Variants in POLR1D observed in about 807,000 individuals in gnomAD.
The protein encoded by POLR1D is DNA-directed RNA polymerases I and III subunit RPAC2.
Under a neutral mutation model 10.8 loss-of-function variants are expected in POLR1D, and 8 were observed. The ratio of observed to expected loss-of-function variants is 0.74; its 90% CI spans 0.43 to 1.33. The LOEUF (loss-of-function observed/expected upper bound fraction) is 1.33. POLR1D is among the 40% of genes most tolerant of loss of function. POLR1D has a pLI of 0.01. For missense variants in POLR1D, 152 were observed against 161.7 expected (o/e 0.94, Z 0.32); for synonymous variants, 54 against 57.2 (o/e 0.94, Z 0.25).
At chr13:27,636,675 C>T (rs1956127138) in intron 1 of POLR1D, among the ~76,000 whole-genome samples, 8 of 152,110 alleles carry the variant, frequency 5.3e-5, no homozygotes, top group Admixed American at 4.6e-4. Flanking sequence ...TCTTGGTAAG[C>T]GTAAGAGTGT....
intron 1 of POLR1D, among the ~76,000 whole-genome samples, chr13:27,647,270 C>A (rs1956229112): frequency 6.6e-6 from 1 of 152,078 alleles, no homozygotes; most frequent in Non-Finnish European, 1.5e-5. Flanking sequence ...TCAAAAATTA[C>A]ACAAATAATA....
At chr13:27,632,690 T>C (rs1467757169) in intron 1 of POLR1D, among the ~76,000 whole-genome samples, 1 of 145,540 alleles carries the variant, frequency 6.9e-6, no homozygotes, top group East Asian at 2.1e-4. Flanking sequence ...ATAGCACTTA[T>C]CTTCTAACAT....
intron 2 of POLR1D, chr13:27,648,504 G>A (rs1387602041): frequency 1.8e-6 from 2 of 1,140,430 alleles, no homozygotes; most frequent in African/African-American, 1.5e-5. Context: ...ATTCTTAGCT[G>A]GAGATATAAA....
intron 2 of POLR1D, chr13:27,651,035 A>G (rs1178067347): frequency 3.3e-5 from 5 of 152,234 alleles, no homozygotes; most frequent in Non-Finnish European, 7.3e-5. Flanking sequence ...TATTATCATC[A>G]TTTGAGTTTC....
At chr13:27,629,847 G>A (rs958648931) in intron 1 of POLR1D, among the ~76,000 whole-genome samples, 1 of 152,168 alleles carries the variant, frequency 6.6e-6, no homozygotes, top group Non-Finnish European at 1.5e-5. Context: ...ACTATTGGTA[G>A]GTAGCCAGGG....
intron 1 of POLR1D, among the ~76,000 whole-genome samples, chr13:27,639,652 G>T (rs1286009672): frequency 6.6e-6 from 1 of 152,192 alleles, no homozygotes; most frequent in African/African-American, 2.4e-5. Context: ...CTTATGAACT[G>T]AGAAATAAGT....
exon 3 of POLR1D, chr13:27,665,940 C>A (rs747337734): frequency 1.5e-5 from 24 of 1,614,016 alleles, no homozygotes; most frequent in Admixed American, 1.0e-4. Flanking sequence ...GAAAAGCGGT[C>A]CAACCGGCGG....
chr13:27,656,959 A>G (rs1479663754), intron 2 of POLR1D, among the ~76,000 whole-genome samples: 3 of 152,206 alleles, frequency 2.0e-5, no homozygotes, highest in East Asian at 3.8e-4. Context: ...GAAAATATCT[A>G]CTATGTATGT....
chr13:27,636,065 TCTG>T (rs1956122311), intron 1 of POLR1D, among the ~76,000 whole-genome samples: 1 of 152,238 alleles, frequency 6.6e-6, no homozygotes, highest in Non-Finnish European at 1.5e-5. Flanking sequence ...GGTAAGAAAT[TCTG>T]CTCTGAAGCT....
downstream of POLR1D, among the ~76,000 whole-genome samples, chr13:27,624,167 G>A (rs76673647): frequency 3.3e-3 from 507 of 152,220 alleles, 2 homozygotes; most frequent in African/African-American, 0.012. Flanking sequence ...TACTCCTGCC[G>A]TACTCTTAAG....
rs546954080 is a variant in POLR1D, at chr13:27,637,465, C to T, written c.27-10914C>T. ...AAAACCTTATTTGCACAGTTGTGCA[C>T]TTTTGGCTGACTTGTTCAGTGGACC... is the stretch of plus-strand genomic sequence containing the variant. On this transcript the variant is annotated intron_variant, in intron 1 of 2. Coordinates refer to the POLR1D transcript ENST00000399697. Among the ~76,000 whole-genome samples the T allele has an allele frequency of 2.8e-4, 42 of 152,312 alleles. No individual in the cohort carries two copies. In the South Asian group the frequency reaches 6.0e-3, roughly 22 times the overall value.
chr13:27,660,692 GTTTC>G (rs558135024), intron 2 of POLR1D: 88 of 152,446 alleles, frequency 5.8e-4, no homozygotes, highest in African/African-American at 2.0e-3. Flanking sequence ...TTCACCTGCG[GTTTC>G]TTTCTTGACT....
chr13:27,627,401 A>T (rs1227111130), downstream of POLR1D, among the ~76,000 whole-genome samples: 2 of 152,128 alleles, frequency 1.3e-5, no homozygotes, highest in African/African-American at 2.4e-5. Context: ...TGGTGGAAAT[A>T]AGAGACTATG....
chr13:27,621,910 C>T lies in POLR1D; in HGVS notation c.-74C>T, dbSNP rs574695978. The T allele has an allele frequency of 4.9e-5, 73 of 1,500,366 alleles. No homozygotes were observed. The East Asian group carries it at 6.7e-4, about 14-fold the overall frequency. The allele number at this position is 1,500,366 out of a possible 1,614,324, so 92.9% of individuals were successfully genotyped here. A position where few individuals can be genotyped will look rare whatever the true frequency, so the allele number is the denominator to read the frequency against. On this transcript the variant is annotated 5_prime_UTR_variant, in exon 1 of 2. Coordinates refer to ENST00000302979, the MANE Select transcript of POLR1D (RefSeq NM_015972.4). ...GGTCGGTCCTTGCTTCCTGCTTCGC[C>T]TCCGCGCCTCGCGCTATGGGACAGA...
chr13:27,647,184 A>G (rs1440498258), intron 1 of POLR1D, among the ~76,000 whole-genome samples: 1 of 152,152 alleles, frequency 6.6e-6, no homozygotes, highest in Non-Finnish European at 1.5e-5. Context: ...TACCCATAGC[A>G]CCTTGCACAG....
chr13:27,626,358 A>G (rs1213255636), downstream of POLR1D, among the ~76,000 whole-genome samples: 2 of 152,342 alleles, frequency 1.3e-5, no homozygotes, highest in Middle Eastern at 3.4e-3. Context: ...ATTGCACCTA[A>G]AAGAATTTAG....
At chr13:27,621,835 C>G (rs2232676), upstream of POLR1D, 6 of 789,096 alleles carry the variant, frequency 7.6e-6, no homozygotes, top group East Asian at 1.4e-4. Flanking sequence ...TGGGCCCTGC[C>G]GCGCCGCTGC....
chr13:27,646,320 A>G (rs1956220149), intron 1 of POLR1D: 1 of 152,230 alleles, frequency 6.6e-6, no homozygotes, highest in Non-Finnish European at 1.5e-5. Flanking sequence ...ACTTAAATCT[A>G]TAAGGGTGAA....
chr13:27,622,772 A>G (rs1955960899), intron 1 of POLR1D, 103 bp from the exon 2 acceptor site: 3 of 720,422 alleles, frequency 4.2e-6, no homozygotes, highest in African/African-American at 3.6e-5. Context: ...TAGCTGGAGT[A>G]GATTAATAAT....
Sources: gnomAD v4.1 joint callset for allele counts (sites outside exome capture counted in the v4.1 genomes callset) on GRCh38, gnomAD v4.1.1 for gene constraint, MANE v1.5 for transcripts, NCBI Gene and HGNC (gene_info 2026-07-23, HGNC 2026-07-21) for gene names.